TFPT: variants seen among roughly 807,000 people sequenced by gnomAD.
TFPT encodes TCF3 fusion partner, also known as INO80 complex subunit F.
Under a neutral mutation model 28.8 loss-of-function variants are expected in TFPT, and 27 were observed. That is an observed-to-expected ratio of 0.94 (90% CI 0.69 to 1.29). The LOEUF is 1.29. Among genes scored for constraint, TFPT ranks in the 50% most tolerant of loss-of-function variants. TFPT has a pLI of 0.00. For missense variants in TFPT, 330 were observed against 338.0 expected (o/e 0.98, Z 0.19); for synonymous variants, 152 against 142.8 (o/e 1.06, Z -0.46).
chr19:54,111,346 C>T (rs1472236113), intron 2 of TFPT, among the ~76,000 whole-genome samples: 2 of 151,838 alleles, frequency 1.3e-5, no homozygotes, highest in African/African-American at 4.8e-5. Flanking sequence ...AGTTCAAGAC[C>T]AGCCTGGCCA....
intron 3 of TFPT, chr19:54,108,686 C>A: frequency 8.1e-7 from 1 of 1,227,478 alleles, no homozygotes; most frequent in Non-Finnish European, 1.1e-6. Context: ...CAGACGATTT[C>A]TGTACTTAAT....
Position 54,108,046 on chromosome 19 carries a change from G to T in TFPT, c.622C>A (p.Pro208Thr). ...CTCACCTGCACCGGGGCCAGCTCTG[G>T]AGTCAGCGCATTTCCTGCTCGGCGT... The part of the protein sequence containing the change: ...DGRRAGNALT[P>T]ELAPVQIKVE... The change falls in exon 5 of 6, where the codon CCA becomes ACA. Residue 208 changes from proline to threonine, a missense_variant. By Grantham distance (38) the Pro-to-Thr change is conservative. Transcript: ENST00000391759. 1 of 1,531,102 alleles carries T rather than the reference G, an allele frequency of 6.5e-7. No individual in the cohort carries two copies. Among genetic ancestry groups the T allele is most frequent in the Non-Finnish European group, 8.8e-7 (1 of 1,140,724 alleles). 94.8% of individuals were successfully genotyped at this position (1,531,102 alleles called of 1,614,324 possible).
chr19:54,113,192 A>G (rs2073504819), intron 2 of TFPT, among the ~76,000 whole-genome samples: 2 of 151,628 alleles, frequency 1.3e-5, no homozygotes, highest in East Asian at 1.9e-4. Flanking sequence ...CCTTATATGG[A>G]GACAGTGTCG....
intron 3 of TFPT, 24 bp downstream of exon 3, chr19:54,110,027 C>T (rs1317800199): frequency 6.2e-7 from 1 of 1,613,108 alleles, no homozygotes; most frequent in Non-Finnish European, 8.5e-7. Flanking sequence ...CTCACAGGCC[C>T]AGAGGGGACA....
chr19:54,111,010 G>C (rs754970734), intron 2 of TFPT, among the ~76,000 whole-genome samples: 13 of 152,210 alleles, frequency 8.5e-5, no homozygotes, highest in Non-Finnish European at 1.8e-4. Context: ...AGTCAGACAT[G>C]CTGGAGGTTA....
intron 1 of TFPT, 113 bp downstream of exon 1, chr19:54,115,134 G>A (rs1440162349): frequency 6.6e-7 from 1 of 1,507,150 alleles, no homozygotes; most frequent in Non-Finnish European, 9.2e-7. Context: ...TAAAGCAGTT[G>A]CATGAACTAC....
rs1465192806 is a variant in TFPT at position 54,110,180 on chromosome 19, G to A, written c.283-59C>T. ...CACGGCTCCCGTTCATTTGTTTAAC[G>A]GATGTTTAATGGGGCACGCACTAAA... On this transcript the variant is annotated intron_variant, in intron 2 of 5. Coordinates refer to ENST00000391759, the MANE Select transcript of TFPT (RefSeq NM_013342.4). 19 of 1,587,834 alleles carry A rather than the reference G, an allele frequency of 1.2e-5. No individual in the cohort carries two copies. The South Asian group carries it at 1.4e-4, about 12-fold the overall frequency.
At chr19:54,112,768 G>A (rs747914896) in intron 2 of TFPT, among the ~76,000 whole-genome samples, 1 of 151,842 alleles carries the variant, frequency 6.6e-6, no homozygotes, top group African/African-American at 2.4e-5. Context: ...CAGCTTTGGT[G>A]ACAAAGTGAG....
At chr19:54,110,620 G>A (rs112546092) in intron 2 of TFPT, among the ~76,000 whole-genome samples, 123 of 152,032 alleles carry the variant, frequency 8.1e-4, no homozygotes, top group African/African-American at 2.7e-3. Flanking sequence ...ATAGTCGCAC[G>A]AACCTGGGAG....
At chr19:54,107,959 C>G (rs1230607198) in intron 5 of TFPT, 67 bp downstream of exon 5, 3 of 1,481,658 alleles carry the variant, frequency 2.0e-6, no homozygotes, top group African/African-American at 2.8e-5. Flanking sequence ...TGAGTCCCCC[C>G]TCCTTACCTG....
chr19:54,108,430 T>TA (rs1247307209), intron 3 of TFPT, 35 bp from the exon 4 acceptor site: 3 of 1,613,986 alleles, frequency 1.9e-6, no homozygotes, highest in Non-Finnish European at 1.7e-6. Context: ...CGGAATAACT[T>TA]ATCTCCTAGC....
chr19:54,109,947 T>C, intron 3 of TFPT, 104 bp downstream of exon 3: 3 of 918,974 alleles, frequency 3.3e-6, no homozygotes, highest in Non-Finnish European at 4.6e-6. Flanking sequence ...CTTCTCCTTG[T>C]GGCTTGTGAG....
At position 54,115,299 on chromosome 19, in the gene TFPT, A is replaced by T; in HGVS notation, c.-30T>A. The T allele has an allele frequency of 1.2e-6, 2 of 1,613,890 alleles. No individual in the cohort carries two copies. Among genetic ancestry groups the T allele is most frequent in the Non-Finnish European group, 1.7e-6 (2 of 1,180,030 alleles). On this transcript the variant is annotated 5_prime_UTR_variant, in exon 1 of 6. Transcript: ENST00000391759. ...GCGACCTCCGGAAGCCCCGGGCCTC[A>T]GAGCTTCCGACCTCTTCAATCTGTA... is the stretch of plus-strand genomic sequence containing the variant.
chr19:54,108,730 A>T, intron 3 of TFPT: 1 of 902,714 alleles, frequency 1.1e-6, no homozygotes, highest in Non-Finnish European at 1.6e-6. Context: ...TTCATATGTG[A>T]GTTATAATTT....
At chr19:54,109,873 C>CCCTCAGTCCCAGCGCACAGCCCCT (rs2073399805) in intron 3 of TFPT, among the ~76,000 whole-genome samples, 178 bp downstream of exon 3, 8 of 45,852 alleles carry the variant, frequency 1.7e-4, no homozygotes, top group Admixed American at 1.9e-4. Context: ...GCTCAGCCCT[C>CCCTCAGTCCCAGCGCACAGCCCCT]TCCTCCAACA....
intron 5 of TFPT, 66 bp from the exon 6 acceptor site, chr19:54,107,235 A>G (rs1217356485): frequency 7.9e-5 from 124 of 1,573,546 alleles, no homozygotes; most frequent in Non-Finnish European, 7.7e-5. Context: ...CAGCTTCACC[A>G]TTTTTGTTTT....
intron 3 of TFPT, 130 bp from the exon 4 acceptor site, chr19:54,108,525 T>C: frequency 6.2e-7 from 1 of 1,612,650 alleles, no homozygotes; most frequent in Non-Finnish European, 8.5e-7. Flanking sequence ...GGTCCTGAGC[T>C]CTGGCACTGG....
intron 1 of TFPT, 77 bp from the exon 2 acceptor site, chr19:54,114,777 A>C (rs2073570470): frequency 7.6e-7 from 1 of 1,321,326 alleles, no homozygotes; most frequent in Non-Finnish European, 9.9e-7. Flanking sequence ...AGGAGCCCAG[A>C]CCCCAACCCC....
chr19:54,107,071 C>G lies in TFPT; in HGVS notation c.741G>C (p.Leu247=), dbSNP rs772549976. 2 of 1,613,780 alleles carry G rather than the reference C, an allele frequency of 1.2e-6. No individual in the cohort carries two copies. The highest frequency in any genetic ancestry group is 1.7e-6 in the Non-Finnish European group (2 of 1,179,932). The change falls in exon 6 of 6, where the codon CTG becomes CTC. Residue 247 remains leucine, a synonymous_variant. Transcript: ENST00000391759. The part of the protein sequence containing the change: ...GPDKLLPYPT[L]ASPASD ...TGCGTCAGTCAGAGGCTGGGCTGGC[C>G]AGGGTCGGGTAGGGCAGCAGTTTGT...
Sources: allele counts gnomAD v4.1 joint callset (sites outside exome capture counted in the v4.1 genomes callset), GRCh38; gene constraint gnomAD v4.1.1; transcripts MANE v1.5; gene names NCBI Gene and HGNC (gene_info 2026-07-23, HGNC 2026-07-21).